USP9X: variants seen among roughly 807,000 people sequenced by gnomAD.
USP9X encodes ubiquitin carboxyl-terminal hydrolase 9X.
USP9X carries 7 observed loss-of-function variants against 190.3 expected under a neutral mutation model. The ratio of observed to expected loss-of-function variants is 0.04; its 90% confidence interval spans 0.02 to 0.07. The LOEUF (loss-of-function observed/expected upper bound fraction) is 0.07. Ranked by LOEUF, USP9X falls within the 10% of genes least tolerant of loss-of-function variation. The pLI is 1.00. For missense variants in USP9X, 1,010 were observed against 1,916.9 expected, an observed-to-expected ratio of 0.53 and a Z score of 8.83; for synonymous variants, 645 against 659.5, an observed-to-expected ratio of 0.98 and a Z score of 0.34.
At chrX:41,138,232 T>C (rs1006117371) in intron 6 of USP9X, among the ~76,000 whole-genome samples, 9 of 111,505 alleles carry the variant, frequency 8.1e-5, no homozygotes, top group Non-Finnish European at 1.7e-4. Context: ...AAAAATCTGA[T>C]TAAAAGGGGA....
At chrX:41,231,050 G>A (rs2063355342) in intron 44 of USP9X, among the ~76,000 whole-genome samples, 1 of 111,850 alleles carries the variant, frequency 8.9e-6, no homozygotes, top group African/African-American at 3.3e-5. Flanking sequence ...ATTTCCATAG[G>A]TGATTAAAGT....
At chrX:41,182,275 C>T (rs755525539) in intron 21 of USP9X, among the ~76,000 whole-genome samples, 5 of 111,276 alleles carry the variant, frequency 4.5e-5, no homozygotes, top group Non-Finnish European at 7.6e-5. Context: ...ACTCAGAAGG[C>T]TGAGATGGGA....
At chrX:41,155,896 T>G (rs761810267) in intron 14 of USP9X, among the ~76,000 whole-genome samples, 5 of 112,127 alleles carry the variant, frequency 4.5e-5, no homozygotes, top group Non-Finnish European at 9.4e-5. Context: ...AACGATCATG[T>G]TGACATGTCA....
intron 24 of USP9X, among the ~76,000 whole-genome samples, chrX:41,186,931 AT>A (rs1345457761): frequency 1.8e-5 from 2 of 108,493 alleles, no homozygotes; most frequent in African/African-American, 3.4e-5. Flanking sequence ...GGTTCAAGTG[AT>A]TATTCTGCCT....
chrX:41,181,435 C>CCTTTTTTT (rs1194811241), intron 21 of USP9X, among the ~76,000 whole-genome samples: 2 of 38,572 alleles, frequency 5.2e-5, no homozygotes, highest in Non-Finnish European at 1.1e-4. Flanking sequence ...CCACACCTGA[C>CCTTTTTTT]TTTTTTTTTT....
chrX:41,210,327 A>G (rs1222027540), intron 32 of USP9X, among the ~76,000 whole-genome samples, 182 bp from the exon 33 acceptor site: 6 of 112,007 alleles, frequency 5.4e-5, no homozygotes, highest in Non-Finnish European at 1.1e-4. Flanking sequence ...TTACCCCACT[A>G]CATTCTACAG....
At chrX:41,220,041 G>C (rs1443445303) in intron 38 of USP9X, among the ~76,000 whole-genome samples, 1 of 111,776 alleles carries the variant, frequency 8.9e-6, no homozygotes, top group African/African-American at 3.3e-5. Context: ...ATATCCAGGC[G>C]TACCTGTCGT....
In USP9X at chrX:41,184,701, T is replaced by C. The variant is rs756862704; in HGVS notation, c.3558+26T>C. Reference sequence around the variant, plus strand: ...GTAATACAGACTTTTTAAAAATCCTTTTATAATAGTAGATAGCAATTTTTA... The same window carrying C: ...GTAATACAGACTTTTTAAAAATCCTCTTATAATAGTAGATAGCAATTTTTA... On this transcript the variant is annotated intron_variant, in intron 23 of 44. Coordinates refer to ENST00000378308, the MANE Select transcript of USP9X (RefSeq NM_001039591.3). The C allele has an allele frequency of 3.5e-6, 4 of 1,147,015 alleles. No individual in the cohort carries two copies. In the South Asian group the frequency reaches 7.8e-5, roughly 22 times the overall value. 94.5% of individuals were successfully genotyped at this position (1,147,015 alleles called of 1,213,427 possible). A position where few individuals can be genotyped will look rare whatever the true frequency, so the allele number is the denominator to read the frequency against.
chrX:41,114,084 C>T (rs2062129100), intron 1 of USP9X, among the ~76,000 whole-genome samples: 1 of 112,605 alleles, frequency 8.9e-6, no homozygotes, highest in South Asian at 3.6e-4. Flanking sequence ...ATATGTGACG[C>T]TGATCTCTGC....
At chrX:41,172,632 T>A (rs915687394) in intron 21 of USP9X, among the ~76,000 whole-genome samples, 2 of 112,231 alleles carry the variant, frequency 1.8e-5, no homozygotes, top group African/African-American at 6.5e-5. Context: ...TTTCCAAGAT[T>A]GTTTGAAATA....
rs544554253 is a variant in USP9X at position 41,174,134 on chromosome X, A to C, written c.3148+2176A>C. Among the ~76,000 whole-genome samples the C allele has an allele frequency of 1.2e-4, 14 of 112,286 alleles. No homozygotes were observed. In the South Asian group the frequency reaches 5.1e-3, roughly 41 times the overall value. ...AGATATGTTGTAGGCTGTATCATCC[A>C]GATTTGTTGTAAACACACCCTATGA... On this transcript the variant is annotated intron_variant, in intron 21 of 44. Coordinates refer to ENST00000378308, the MANE Select transcript of USP9X (RefSeq NM_001039591.3).
intron 32 of USP9X, among the ~76,000 whole-genome samples, chrX:41,209,277 T>C (rs2063137210): frequency 1.8e-5 from 2 of 112,097 alleles, no homozygotes; most frequent in African/African-American, 6.5e-5. Context: ...GTTAGCTCTT[T>C]AGTTGCCTTT....
intron 36 of USP9X, 133 bp downstream of exon 36, chrX:41,217,476 A>G (rs1274663835): frequency 5.5e-6 from 4 of 728,673 alleles, no homozygotes; most frequent in Non-Finnish European, 7.7e-6. Flanking sequence ...TCTGGGTCAC[A>G]ATAGAGAAAT....
rs2062419145 is a variant in USP9X, at chrX:41,141,142, A to C, written c.947A>C (p.Asn316Thr). ...TCAATGATTATTAAATCTTTGAAGA[A>C]TTTAGCTTCAAGGGTTCCAGGACAA... ...ALSMIIKSLKNLASRVPGQEE... is the reference protein window; with the variant it reads ...ALSMIIKSLKTLASRVPGQEE... Residue 316 changes from asparagine to threonine, a missense_variant, in exon 8 of 45, where the codon AAT (asparagine) becomes ACT (threonine). By Grantham distance (65) the Asn-to-Thr change is moderately conservative. This residue lies in a region of USP9X where 176 missense variants were observed against 247.5 expected (regional missense o/e 0.71). Coordinates refer to ENST00000378308, the MANE Select transcript of USP9X (RefSeq NM_001039591.3). 8.3e-7 allele frequency: 1 copy of C among 1,201,640 alleles called. No homozygotes were observed. The highest frequency in any genetic ancestry group is 1.8e-5 in the African/African-American group (1 of 57,080).
intron 35 of USP9X, 68 bp from the exon 36 acceptor site, chrX:41,217,152 A>G: frequency 8.8e-7 from 1 of 1,130,603 alleles, no homozygotes. Flanking sequence ...ATTAATGGAA[A>G]CACAGACTTG....
intron 41 of USP9X, chrX:41,228,877 G>A (rs759158539): frequency 1.7e-3 from 192 of 115,123 alleles, no homozygotes; most frequent in African/African-American, 5.2e-3. Flanking sequence ...CAGCACTTTG[G>A]GAGGCCGAGG....
At chrX:41,175,895 ATTT>A (rs142613528) in intron 21 of USP9X, among the ~76,000 whole-genome samples, 1 of 101,872 alleles carries the variant, frequency 9.8e-6, no homozygotes, top group Non-Finnish European at 2.0e-5. Context: ...TATATTTGTA[ATTT>A]TTTTTTTTTT....
chrX:41,194,084 C>A (rs1457398272), intron 26 of USP9X, among the ~76,000 whole-genome samples: 1 of 111,872 alleles, frequency 8.9e-6, no homozygotes, highest in Non-Finnish European at 1.9e-5. Context: ...AGTAGATACG[C>A]CTGACTTTGG....
intron 2 of USP9X, among the ~76,000 whole-genome samples, chrX:41,128,421 A>G (rs992055153): frequency 9.0e-6 from 1 of 111,713 alleles, no homozygotes; most frequent in East Asian, 2.8e-4. Flanking sequence ...TTTTTCATCT[A>G]TTAAATGGCA....
Sources: gnomAD v4.1 joint callset for allele counts (sites outside exome capture counted in the v4.1 genomes callset) on GRCh38, gnomAD v4.1.1 for gene constraint, gnomAD v4.1.1 regional missense constraint, MANE v1.5 for transcripts, NCBI Gene and HGNC (gene_info 2026-07-23, HGNC 2026-07-21) for gene names.